VBP1: variants seen among roughly 807,000 people sequenced by gnomAD.
The protein encoded by VBP1 is prefoldin subunit 3.
In VBP1, 4 loss-of-function variants were observed where a neutral mutation model predicts 15.5. That is an observed-to-expected ratio of 0.26 (90% CI 0.13 to 0.59). VBP1 has a LOEUF of 0.59. Among genes scored for constraint, VBP1 ranks in the 20% least tolerant of loss-of-function variants. The pLI is 0.90. For synonymous variants in VBP1, 61 were observed against 52.1 expected, an observed-to-expected ratio of 1.17 and a Z score of -0.74; for missense variants, 108 against 139.6, an observed-to-expected ratio of 0.77 and a Z score of 1.14.
At chrX:155,228,281 A>T (rs1557310437) in intron 3 of VBP1, 103 bp from the exon 4 acceptor site, 1 of 604,030 alleles carries the variant, frequency 1.7e-6, no homozygotes. Flanking sequence ...GCATGATGGT[A>T]CTGTTTTAAA....
chrX:155,221,812 A>C (rs1394817600), intron 2 of VBP1, among the ~76,000 whole-genome samples: 2 of 112,313 alleles, frequency 1.8e-5, no homozygotes, highest in Non-Finnish European at 3.8e-5. Context: ...ATATTTTCTC[A>C]TTTGATTTTG....
intron 4 of VBP1, among the ~76,000 whole-genome samples, chrX:155,230,650 G>A (rs957379416): frequency 9.1e-6 from 1 of 109,918 alleles, no homozygotes; most frequent in East Asian, 2.8e-4. Context: ...TGGCTGACAA[G>A]TTCCTATACA....
upstream of VBP1, chrX:155,213,467 G>A (rs782165503): frequency 1.3e-3 from 142 of 113,159 alleles, no homozygotes; most frequent in Non-Finnish European, 2.1e-3. Flanking sequence ...GTCGGTTCCC[G>A]GCTGTACAAA....
chrX:155,223,651 C>T (rs1557309846), intron 2 of VBP1, among the ~76,000 whole-genome samples: 3 of 112,880 alleles, frequency 2.7e-5, no homozygotes, highest in Non-Finnish European at 3.8e-5. Context: ...CCACATTTCC[C>T]CCTTCTCTAT....
At chrX:155,225,937 C>T (rs1361383454) in intron 2 of VBP1, among the ~76,000 whole-genome samples, 1 of 111,913 alleles carries the variant, frequency 8.9e-6, no homozygotes, top group East Asian at 2.8e-4. Context: ...TAACACATTT[C>T]TTGCCAGGTC....
chrX:155,202,922 A>T (rs1259881402), intron 1 of VBP1, among the ~76,000 whole-genome samples: 1 of 111,971 alleles, frequency 8.9e-6, no homozygotes, highest in African/African-American at 3.2e-5. Flanking sequence ...TAAAAAATCA[A>T]ACAACCCCAT....
chrX:155,211,860 G>C (rs1254762918), upstream of VBP1, among the ~76,000 whole-genome samples: 1 of 111,958 alleles, frequency 8.9e-6, no homozygotes, highest in Non-Finnish European at 1.9e-5. Flanking sequence ...ATCATGACAT[G>C]TTATGGCTCA....
chrX:155,214,805 T>C, upstream of VBP1, among the ~76,000 whole-genome samples: 1 of 91,083 alleles, frequency 1.1e-5, no homozygotes, highest in East Asian at 3.4e-4. Flanking sequence ...AATGACCACC[T>C]ATAGAGTTGA....
chrX:155,201,362 T>C (rs1557307426), intron 1 of VBP1, among the ~76,000 whole-genome samples: 2 of 103,365 alleles, frequency 1.9e-5, no homozygotes, highest in Non-Finnish European at 3.9e-5. Context: ...AAATCCTCAA[T>C]AAAATACTGG....
chrX:155,215,608 C>G (rs1181844939), upstream of VBP1, among the ~76,000 whole-genome samples: 1 of 112,367 alleles, frequency 8.9e-6, no homozygotes, highest in Non-Finnish European at 1.9e-5. Context: ...CAGTGATTGC[C>G]TCTGAGAAGA....
intron 1 of VBP1, among the ~76,000 whole-genome samples, chrX:155,199,443 G>C (rs2074592801): frequency 9.0e-6 from 1 of 111,611 alleles, no homozygotes; most frequent in Admixed American, 9.5e-5. Flanking sequence ...AAGAGAGTGA[G>C]GGCCAATATT....
rs2074789455 is a variant in VBP1, at chrX:155,239,461, A to G, written c.*619A>G. ...CTCAGATAAGTGCAGTGTCTTTGCA[A>G]TGCCAACATAAGGGAGATCTTGGCC... is the stretch of plus-strand genomic sequence containing the variant. On this transcript the variant is annotated 3_prime_UTR_variant, in exon 6 of 6. Coordinates refer to ENST00000286428, the MANE Select transcript of VBP1 (RefSeq NM_003372.7). 8.9e-6 allele frequency: 1 copy of G among 112,115 alleles called. No homozygotes were observed. Among genetic ancestry groups the G allele is most frequent in the Non-Finnish European group, 1.9e-5 (1 of 53,276 alleles). 9.2% of individuals were successfully genotyped at this position (112,115 alleles called of 1,213,427 possible). A position where few individuals can be genotyped will look rare whatever the true frequency, so the allele number is the denominator to read the frequency against.
chrX:155,203,705 C>T (rs956400599), intron 1 of VBP1, among the ~76,000 whole-genome samples: 5 of 109,295 alleles, frequency 4.6e-5, no homozygotes, highest in African/African-American at 1.7e-4. Flanking sequence ...CACATGTATA[C>T]ATATGTAACT....
chrX:155,215,619 G>A (rs1444494087), upstream of VBP1, among the ~76,000 whole-genome samples: 2 of 112,494 alleles, frequency 1.8e-5, no homozygotes, highest in Non-Finnish European at 3.8e-5. Context: ...TCTGAGAAGA[G>A]AGACTTACTT....
intron 1 of VBP1, among the ~76,000 whole-genome samples, chrX:155,197,577 C>T (rs781847681): frequency 1.8e-5 from 2 of 112,205 alleles, no homozygotes; most frequent in Non-Finnish European, 3.8e-5. Context: ...AGAAAAAACG[C>T]TCTTTTTTAA....
At chrX:155,210,932 T>G (rs1242868187) in intron 2 of VBP1, among the ~76,000 whole-genome samples, 6 of 112,030 alleles carry the variant, frequency 5.4e-5, no homozygotes, top group Non-Finnish European at 1.1e-4. Context: ...CTTGAAACTG[T>G]AATGTGCCCA....
intron 1 of VBP1, among the ~76,000 whole-genome samples, chrX:155,200,400 A>T (rs2074597987): frequency 9.1e-6 from 1 of 109,808 alleles, no homozygotes; most frequent in African/African-American, 3.4e-5. Context: ...AGAAATTATA[A>T]CAAACTGTCT....
intron 1 of VBP1, among the ~76,000 whole-genome samples, chrX:155,201,757 C>T (rs1248908473): frequency 9.3e-6 from 1 of 107,365 alleles, no homozygotes; most frequent in Non-Finnish European, 1.9e-5. Flanking sequence ...AAGTTCTGGC[C>T]AGGGCAATTA....
intron 4 of VBP1, among the ~76,000 whole-genome samples, chrX:155,230,645 G>A (rs781900203): frequency 9.1e-6 from 1 of 110,201 alleles, no homozygotes; most frequent in Non-Finnish European, 1.9e-5. Context: ...TTGAGTGGCT[G>A]ACAAGTTCCT....
Sources: allele counts gnomAD v4.1 joint callset (sites outside exome capture counted in the v4.1 genomes callset), GRCh38; gene constraint gnomAD v4.1.1; transcripts MANE v1.5; gene names NCBI Gene and HGNC (gene_info 2026-07-23, HGNC 2026-07-21).